PRKCB: variants seen among roughly 807,000 people sequenced by gnomAD.
PRKCB encodes the protein protein kinase C beta.
A neutral mutation model predicts 81.5 loss-of-function variants in PRKCB; 13 were observed. That is an observed-to-expected ratio of 0.16 (90% CI 0.10 to 0.25). The LOEUF (loss-of-function observed/expected upper bound fraction) is 0.25. Ranked by LOEUF, PRKCB falls within the 10% of genes least tolerant of loss-of-function variation. The pLI, the probability that PRKCB is intolerant of heterozygous loss-of-function variation, is 1.00. For missense variants in PRKCB, 509 were observed against 875.7 expected (o/e 0.58, Z 5.29); for synonymous variants, 335 against 321.4 (o/e 1.04, Z -0.45).
chr16:23,858,490 C>T (rs1962609927), intron 2 of PRKCB, among the ~76,000 whole-genome samples: 1 of 151,906 alleles, frequency 6.6e-6, no homozygotes, highest in African/African-American at 2.4e-5. Flanking sequence ...AAACTGGCAA[C>T]ATTTGACAGG....
chr16:24,192,341 G>A (rs1967806594), intron 16 of PRKCB, among the ~76,000 whole-genome samples: 1 of 152,172 alleles, frequency 6.6e-6, no homozygotes. Context: ...TCTTTGAGGG[G>A]CAGAATCCTG....
intron 14 of PRKCB, 111 bp from the exon 15 acceptor site, chr16:24,185,348 TG>T: frequency 8.3e-7 from 1 of 1,210,906 alleles, no homozygotes; most frequent in Non-Finnish European, 1.2e-6. Flanking sequence ...TTTGAAAGCC[TG>T]GGTGTGTGGC....
chr16:24,011,493 C>G (rs1193466264), intron 3 of PRKCB, among the ~76,000 whole-genome samples: 4 of 152,048 alleles, frequency 2.6e-5, no homozygotes, highest in African/African-American at 9.7e-5. Context: ...AGCTGTGTAT[C>G]ATTGTTTTCA....
intron 16 of PRKCB, among the ~76,000 whole-genome samples, chr16:24,198,035 G>A (rs997448313): frequency 6.6e-6 from 1 of 152,316 alleles, no homozygotes; most frequent in African/African-American, 2.4e-5. Context: ...TGCAAAGAAT[G>A]TAGTGATATC....
At chr16:24,021,008 C>CTTTCTTTCTTTCTTTCTTTCTTTCTT (rs1965359779) in intron 3 of PRKCB, among the ~76,000 whole-genome samples, 2 of 141,262 alleles carry the variant, frequency 1.4e-5, no homozygotes, top group African/African-American at 5.5e-5. Flanking sequence ...TTCTTTCTTT[C>CTTTCTTTCTTTCTTTCTTTCTTTCTT]TTTCTTTCTT....
intron 13 of PRKCB, 131 bp downstream of exon 13, chr16:24,181,059 T>G: frequency 8.6e-7 from 1 of 1,159,958 alleles, no homozygotes; most frequent in Non-Finnish European, 1.2e-6. Flanking sequence ...TATTCTATAC[T>G]CTAAATCCTC....
At chr16:24,070,391 C>T (rs75684073) in intron 5 of PRKCB, among the ~76,000 whole-genome samples, 11,320 of 152,002 alleles carry the variant, frequency 0.074, 621 homozygotes, top group African/African-American at 0.13. Context: ...TCAAGTGATT[C>T]GCCTGCCTCA....
chr16:24,116,727 C>A (rs1966741239), intron 8 of PRKCB, among the ~76,000 whole-genome samples: 1 of 152,206 alleles, frequency 6.6e-6, no homozygotes, highest in Admixed American at 6.5e-5. Flanking sequence ...CCAGAGAACA[C>A]TTTCTGTCTC....
At chr16:24,010,352 G>A (rs1028614322) in intron 3 of PRKCB, among the ~76,000 whole-genome samples, 1 of 152,192 alleles carries the variant, frequency 6.6e-6, no homozygotes, top group African/African-American at 2.4e-5. Context: ...GAGAATTCAA[G>A]AATTACAACT....
At chr16:24,178,215 C>T (rs1267309883) in intron 12 of PRKCB, among the ~76,000 whole-genome samples, 1 of 152,196 alleles carries the variant, frequency 6.6e-6, no homozygotes, top group Non-Finnish European at 1.5e-5. Flanking sequence ...TCCTATCAAA[C>T]TTAGTGTCTG....
chr16:24,121,577 G>A (rs982181146), intron 8 of PRKCB, among the ~76,000 whole-genome samples: 1 of 152,068 alleles, frequency 6.6e-6, no homozygotes, highest in East Asian at 1.9e-4. Context: ...GGGTCTGGCT[G>A]TGTTGCCCAG....
chr16:23,958,619 C>T (rs1462193156), intron 2 of PRKCB, among the ~76,000 whole-genome samples: 1 of 152,062 alleles, frequency 6.6e-6, no homozygotes, highest in African/African-American at 2.4e-5. Flanking sequence ...TATTATTATA[C>T]TTAGCACGGC....
intron 10 of PRKCB, among the ~76,000 whole-genome samples, chr16:24,170,448 G>C (rs1453936853): frequency 6.6e-6 from 1 of 152,078 alleles, no homozygotes; most frequent in Non-Finnish European, 1.5e-5. Context: ...GAACATAAGA[G>C]GGACTTCAGT....
intron 2 of PRKCB, among the ~76,000 whole-genome samples, chr16:23,933,877 CATCA>C (rs1964017714): frequency 2.4e-5 from 3 of 122,940 alleles, no homozygotes; most frequent in South Asian, 2.8e-4. Context: ...TCCATCCATC[CATCA>C]TCTTGTTTGT....
chr16:24,185,585 A>G lies in PRKCB; in HGVS notation c.1722+18A>G, dbSNP rs1967691348. 4 of 1,594,960 alleles carry G rather than the reference A, an allele frequency of 2.5e-6. No homozygotes were observed. The African/African-American group carries it at 4.0e-5, about 16-fold the overall frequency. ...GCAAAGGGGTAAGTGCATCTCTTAAAGCTGTGACCAGGACCACCACATAAA... is the reference window on the plus strand; with the variant it reads ...GCAAAGGGGTAAGTGCATCTCTTAAGGCTGTGACCAGGACCACCACATAAA... On this transcript the variant is annotated intron_variant, in intron 15 of 16. Coordinates refer to ENST00000643927, the MANE Select transcript of PRKCB (RefSeq NM_002738.7).
At chr16:24,126,812 A>G (rs533948219) in intron 9 of PRKCB, among the ~76,000 whole-genome samples, 1 of 152,054 alleles carries the variant, frequency 6.6e-6, no homozygotes, top group African/African-American at 2.4e-5. Flanking sequence ...CTGGGATTAC[A>G]GACATGAGCC....
At chr16:24,072,572 CTT>C (rs1466194250) in intron 5 of PRKCB, among the ~76,000 whole-genome samples, 2 of 151,306 alleles carry the variant, frequency 1.3e-5, no homozygotes, top group East Asian at 3.9e-4. Flanking sequence ...TTAACTCTCT[CTT>C]TCTCTCTCTC....
chr16:23,990,548 GT>G (rs1053667172), intron 3 of PRKCB, among the ~76,000 whole-genome samples: 2 of 91,594 alleles, frequency 2.2e-5, no homozygotes, highest in Admixed American at 2.4e-4. Flanking sequence ...TTTTATTTTT[GT>G]TTTTTTCTCT....
At chr16:24,162,980 T>C (rs1311563846) in intron 10 of PRKCB, among the ~76,000 whole-genome samples, 1 of 152,246 alleles carries the variant, frequency 6.6e-6, no homozygotes, top group East Asian at 1.9e-4. Context: ...TAGGTTTCTT[T>C]GTCCTTGCTT....
Sources: allele counts gnomAD v4.1 joint callset (sites outside exome capture counted in the v4.1 genomes callset), GRCh38; gene constraint gnomAD v4.1.1; transcripts MANE v1.5; gene names NCBI Gene and HGNC (gene_info 2026-07-23, HGNC 2026-07-21).